The following PLCB1 variants were observed in gnomAD, a reference collection of about 807,000 sequenced individuals.
The protein encoded by PLCB1 is 1-phosphatidylinositol 4,5-bisphosphate phosphodiesterase beta-1.
A neutral mutation model predicts 161.8 loss-of-function variants in PLCB1; 46 were observed. The observed-to-expected ratio is 0.28, with a 90% CI of 0.22 to 0.36. PLCB1 has a LOEUF of 0.36. Among genes scored for constraint, PLCB1 ranks in the 10% least tolerant of loss-of-function variants. The pLI is 1.00. For synonymous variants in PLCB1, 517 were observed against 503.7 expected (o/e 1.03, Z -0.35); for missense variants, 1,016 against 1,472.5 (o/e 0.69, Z 5.07).
chr20:8,826,462 C>T (rs1030892980), intron 31 of PLCB1, among the ~76,000 whole-genome samples: 3 of 148,416 alleles, frequency 2.0e-5, no homozygotes, highest in African/African-American at 5.0e-5. Flanking sequence ...CGCCACTGCA[C>T]TCCAGCCTGG....
chr20:8,814,605 G>GTGTC (rs1984996376), intron 31 of PLCB1, among the ~76,000 whole-genome samples: 1 of 151,750 alleles, frequency 6.6e-6, no homozygotes, highest in Non-Finnish European at 1.5e-5. Context: ...GTGTGTGTGT[G>GTGTC]TGTGTAAACA....
intron 2 of PLCB1, among the ~76,000 whole-genome samples, chr20:8,288,009 C>T (rs1223693434): frequency 6.6e-6 from 1 of 152,152 alleles, no homozygotes; most frequent in Non-Finnish European, 1.5e-5. Flanking sequence ...TAAACAAGCA[C>T]TTGACATGTG....
intron 9 of PLCB1, among the ~76,000 whole-genome samples, chr20:8,667,573 C>T (rs1239398479): frequency 6.6e-6 from 1 of 152,188 alleles, no homozygotes; most frequent in African/African-American, 2.4e-5. Context: ...TTCTTTTCTC[C>T]TTTATTTCAG....
In PLCB1 at chr20:8,175,634, C is replaced by G. The variant is rs1057309297; in HGVS notation, c.177+25263C>G. Reference sequence around the variant, plus strand: ...TAGGCAGAGTTCTTTGACATCAAATCCATGATTCATAAGAAGAAAAATTGG... The same window carrying G: ...TAGGCAGAGTTCTTTGACATCAAATGCATGATTCATAAGAAGAAAAATTGG... On this transcript the variant is annotated intron_variant, in intron 2 of 31. Transcript: ENST00000338037. Among the ~76,000 whole-genome samples the G allele has an allele frequency of 1.3e-5, 2 of 151,888 alleles. 1 individual carries two copies. The highest frequency in any genetic ancestry group is 6.3e-3 in the Middle Eastern group (2 of 316).
At chr20:8,343,857 C>T (rs1046017473) in intron 2 of PLCB1, among the ~76,000 whole-genome samples, 8 of 152,134 alleles carry the variant, frequency 5.3e-5, no homozygotes, top group African/African-American at 1.9e-4. Flanking sequence ...GTGATGTGTG[C>T]AAACTTTTTA....
At chr20:8,780,369 C>T (rs1983155786) in intron 27 of PLCB1, among the ~76,000 whole-genome samples, 1 of 152,126 alleles carries the variant, frequency 6.6e-6, no homozygotes, top group Non-Finnish European at 1.5e-5. Context: ...TTTCTTCTTC[C>T]TCCTTTTTAG....
chr20:8,662,696 G>A (rs1024468487), intron 9 of PLCB1, among the ~76,000 whole-genome samples: 5 of 150,832 alleles, frequency 3.3e-5, no homozygotes, highest in South Asian at 2.1e-4. Context: ...ATGCAGATTC[G>A]AGATCCTGCA....
intron 26 of PLCB1, 129 bp from the exon 27 acceptor site, chr20:8,774,410 C>G (rs1216977892): frequency 3.5e-6 from 3 of 850,426 alleles, no homozygotes; most frequent in Non-Finnish European, 5.5e-6. Context: ...CACCCTCTAC[C>G]CCAAGTGGCT....
intron 31 of PLCB1, among the ~76,000 whole-genome samples, chr20:8,837,287 A>G (rs138133126): frequency 3.3e-5 from 5 of 152,334 alleles, no homozygotes; most frequent in Admixed American, 6.5e-5. Flanking sequence ...GGTGACGTAC[A>G]AAGTGCAACT....
At chr20:8,805,961 T>C (rs1218018939) in intron 31 of PLCB1, among the ~76,000 whole-genome samples, 1 of 152,116 alleles carries the variant, frequency 6.6e-6, no homozygotes, top group Non-Finnish European at 1.5e-5. Context: ...ACACCACACA[T>C]GTATACCAAA....
At chr20:8,440,880 A>G (rs1031784427) in intron 3 of PLCB1, among the ~76,000 whole-genome samples, 6 of 152,034 alleles carry the variant, frequency 3.9e-5, no homozygotes, top group Non-Finnish European at 8.8e-5. Context: ...TCTGATCACT[A>G]TATGTTATAT....
chr20:8,294,264 T>TA (rs1417194973), intron 2 of PLCB1, among the ~76,000 whole-genome samples: 1 of 152,094 alleles, frequency 6.6e-6, no homozygotes, highest in Admixed American at 6.5e-5. Flanking sequence ...CCACCCTTTA[T>TA]CCAGGTCAGA....
chr20:8,577,576 C>G (rs768447477), intron 3 of PLCB1, among the ~76,000 whole-genome samples: 3 of 152,030 alleles, frequency 2.0e-5, no homozygotes, highest in African/African-American at 7.2e-5. Context: ...AATTCCCCCA[C>G]GATATGTGTC....
intron 4 of PLCB1, among the ~76,000 whole-genome samples, chr20:8,639,034 T>C (rs1429118780): frequency 6.6e-6 from 1 of 152,128 alleles, no homozygotes; most frequent in Admixed American, 6.6e-5. Flanking sequence ...TGCCACTGCC[T>C]GGGGTGGGCA....
Position 8,487,296 on chromosome 20 carries a change from C to T in PLCB1, c.246+115846C>T, listed in dbSNP as rs374344004. ...TTTTGTGACTAAATCCTAGAATTTGCAAAATAGTGAATCACAATATAATGT... is the reference window on the plus strand; with the variant it reads ...TTTTGTGACTAAATCCTAGAATTTGTAAAATAGTGAATCACAATATAATGT... On this transcript the variant is annotated intron_variant, in intron 3 of 31. Coordinates refer to ENST00000338037, the MANE Select transcript of PLCB1 (RefSeq NM_015192.4). Among the ~76,000 whole-genome samples the T allele has an allele frequency of 2.5e-3, 385 of 152,254 alleles. 4 individuals carry two copies. Among genetic ancestry groups the T allele is most frequent in the South Asian group, 0.013 (65 of 4,826 alleles).
In PLCB1 at chr20:8,684,855, GAA is replaced by G. The variant is rs61201694; in HGVS notation, c.863-63_863-62del. On this transcript the variant is annotated intron_variant, in intron 9 of 31. Transcript: ENST00000338037. Reference sequence around the variant, plus strand: ...CCTTGGACACTACAAGATATTTCTGGAAAAAAAAAAAAAAAGAGGCGACTTGA... The same window carrying G: ...CCTTGGACACTACAAGATATTTCTGGAAAAAAAAAAAAAGAGGCGACTTGA... 0.017 allele frequency: 16,009 copies of G among 958,446 alleles called. 104 individuals are homozygous for G. Among genetic ancestry groups the G allele is most frequent in the African/African-American group, 0.071 (3,923 of 55,598 alleles). 59.4% of individuals were successfully genotyped at this position (958,446 alleles called of 1,614,324 possible).
At position 8,487,486 on chromosome 20, in the gene PLCB1, A is replaced by G. The variant is rs185326208; in HGVS notation, c.246+116036A>G. Among the ~76,000 whole-genome samples, 9 of 152,234 alleles carry G rather than the reference A, an allele frequency of 5.9e-5. No individual in the cohort carries two copies. In the East Asian group the frequency reaches 1.7e-3, roughly 29 times the overall value. On this transcript the variant is annotated intron_variant, in intron 3 of 31. Coordinates refer to ENST00000338037, the MANE Select transcript of PLCB1 (RefSeq NM_015192.4). ...GACCAGCATTTGCTTTGCAACAATC[A>G]TCTGTGGTGATTGCTCAAGTGTAGA...
chr20:8,668,229 T>G (rs1989862123), intron 9 of PLCB1, among the ~76,000 whole-genome samples: 2 of 151,958 alleles, frequency 1.3e-5, no homozygotes, highest in Admixed American at 6.6e-5. Context: ...CTGAAAAATG[T>G]ACCATAGTAG....
chr20:8,733,127 C>A, intron 18 of PLCB1, 111 bp from the exon 19 acceptor site: 1 of 1,082,300 alleles, frequency 9.2e-7, no homozygotes, highest in Non-Finnish European at 1.4e-6. Context: ...GACTCTCTTC[C>A]AAGGGAATAC....
Sources: gnomAD v4.1 joint callset for allele counts (sites outside exome capture counted in the v4.1 genomes callset) on GRCh38, gnomAD v4.1.1 for gene constraint, MANE v1.5 for transcripts, NCBI Gene and HGNC (gene_info 2026-07-23, HGNC 2026-07-21) for gene names.